XPO4: variants seen among roughly 807,000 people sequenced by gnomAD.
XPO4 encodes the protein exportin 4, also known as exportin-4.
Under a neutral mutation model 143.0 loss-of-function variants are expected in XPO4, and 39 were observed. That is an observed-to-expected ratio of 0.27 (90% CI 0.21 to 0.36). XPO4 has a LOEUF of 0.36. XPO4 is among the 10% of genes least tolerant of loss of function. XPO4 has a pLI of 1.00. For missense variants in XPO4, 907 were observed against 1,348.0 expected (o/e 0.67, Z 5.12); for synonymous variants, 439 against 474.0 (o/e 0.93, Z 0.96).
Position 20,783,327 on chromosome 13 carries a change from AAAC to A in XPO4, c.*392_*394del. 1 of 189,454 alleles carries A rather than the reference AAAC, an allele frequency of 5.3e-6. No individual in the cohort carries two copies. Among genetic ancestry groups the A allele is most frequent in the Non-Finnish European group, 1.1e-5 (1 of 91,072 alleles). 11.7% of individuals were successfully genotyped at this position (189,454 alleles called of 1,614,324 possible). ...GCAGGCGATCTATGGAGATTTTGAGAAACACTGCCTAGCATATATCCATTTCAT... is the reference window on the plus strand; with the variant it reads ...GCAGGCGATCTATGGAGATTTTGAGAACTGCCTAGCATATATCCATTTCAT... On this transcript the variant is annotated 3_prime_UTR_variant, in exon 23 of 23. Coordinates refer to ENST00000255305, the MANE Select transcript of XPO4 (RefSeq NM_022459.5).
chr13:20,777,392 A>T lies in XPO4; in HGVS notation c.*6330T>A, dbSNP rs566069908. 61 of 152,256 alleles carry T rather than the reference A, an allele frequency of 4.0e-4. No individual in the cohort carries two copies. The highest frequency in any genetic ancestry group is 1.2e-3 in the African/African-American group (49 of 41,542). The allele number at this position is 152,256 out of a possible 1,614,324, so 9.4% of individuals were successfully genotyped here. A position where few individuals can be genotyped will look rare whatever the true frequency, so the allele number is the denominator to read the frequency against. On this transcript the variant is annotated 3_prime_UTR_variant, in exon 23 of 23. Transcript: ENST00000255305. ...ATTATATTTCATCCATCACTTTTAAATTTTTTCTTTGGGAGGAACACTTAT... is the reference window on the plus strand; with the variant it reads ...ATTATATTTCATCCATCACTTTTAATTTTTTTCTTTGGGAGGAACACTTAT...
In XPO4 at chr13:20,783,314, T is replaced by C. The variant is rs913431367; in HGVS notation, c.*408A>G. On this transcript the variant is annotated 3_prime_UTR_variant, in exon 23 of 23. Coordinates refer to ENST00000255305, the MANE Select transcript of XPO4 (RefSeq NM_022459.5). The stretch of plus-strand genomic sequence containing the variant: ...CTCCTCAAGTGATGCAGGCGATCTA[T>C]GGAGATTTTGAGAAACACTGCCTAG... 4 of 188,420 alleles carry C rather than the reference T, an allele frequency of 2.1e-5. 1 individual carries two copies. The highest frequency in any genetic ancestry group is 2.6e-3 in the Middle Eastern group (1 of 388). The allele number at this position is 188,420 out of a possible 1,614,324, so 11.7% of individuals were successfully genotyped here.
chr13:20,890,671 T>C (rs2060503297), intron 1 of XPO4, among the ~76,000 whole-genome samples: 2 of 151,642 alleles, frequency 1.3e-5, no homozygotes, highest in Non-Finnish European at 2.9e-5. Flanking sequence ...GGTTGGTGTC[T>C]GTCTGTACCC....
At chr13:20,851,440 C>T (rs1399406463) in intron 4 of XPO4, 7 of 985,044 alleles carry the variant, frequency 7.1e-6, no homozygotes, top group Non-Finnish European at 8.4e-6. Flanking sequence ...TTAGGCCAGG[C>T]ATGGTTGGCT....
chr13:20,851,776 C>T, intron 4 of XPO4: 1 of 946,916 alleles, frequency 1.1e-6, no homozygotes, highest in Non-Finnish European at 1.3e-6. Flanking sequence ...TTAAAAAAAA[C>T]TTTGGAGTCT....
chr13:20,826,024 C>A (rs2059780243), intron 7 of XPO4, among the ~76,000 whole-genome samples: 1 of 152,122 alleles, frequency 6.6e-6, no homozygotes, highest in South Asian at 2.1e-4. Context: ...CTAAAATTAA[C>A]AATTGGGATT....
At chr13:20,870,300 G>A (rs2060283550) in intron 1 of XPO4, among the ~76,000 whole-genome samples, 1 of 151,378 alleles carries the variant, frequency 6.6e-6, no homozygotes, top group African/African-American at 2.4e-5. Flanking sequence ...GCATGGTGGT[G>A]CACACCTGTA....
intron 1 of XPO4, among the ~76,000 whole-genome samples, chr13:20,876,181 G>C (rs1311033976): frequency 6.9e-6 from 1 of 145,530 alleles, no homozygotes; most frequent in Admixed American, 7.0e-5. Context: ...AGAATCACTT[G>C]AATCCGGAAG....
chr13:20,857,940 T>TA (rs1167804242), intron 3 of XPO4: 5 of 985,176 alleles, frequency 5.1e-6, no homozygotes, highest in Non-Finnish European at 6.0e-6. Flanking sequence ...TCTGTGCATG[T>TA]AATGGGAAGT....
rs1433150138 is a variant in XPO4 at position 20,780,799 on chromosome 13, A to G, written c.*2923T>C. ...CCCAAATAATGGTGCTGGAAAGGACACTGTCAAATACTGTCAGGTAGTTTT... is the reference window on the plus strand; with the variant it reads ...CCCAAATAATGGTGCTGGAAAGGACGCTGTCAAATACTGTCAGGTAGTTTT... On this transcript the variant is annotated 3_prime_UTR_variant, in exon 23 of 23. Coordinates refer to ENST00000255305, the MANE Select transcript of XPO4 (RefSeq NM_022459.5). The G allele has an allele frequency of 1.3e-5, 2 of 152,200 alleles. No individual in the cohort carries two copies. The highest frequency in any genetic ancestry group is 2.9e-5 in the Non-Finnish European group (2 of 68,028). The allele number at this position is 152,200 out of a possible 1,614,324, so 9.4% of individuals were successfully genotyped here.
intron 9 of XPO4, among the ~76,000 whole-genome samples, chr13:20,817,025 G>GT (rs1388885427): frequency 6.6e-6 from 1 of 152,192 alleles, no homozygotes; most frequent in African/African-American, 2.4e-5. Context: ...GCTCTCTCCA[G>GT]TATCATCAGT....
At chr13:20,807,348 C>T (rs1595076579) in intron 13 of XPO4, 109 bp downstream of exon 13, 1 of 1,117,782 alleles carries the variant, frequency 8.9e-7, no homozygotes, top group South Asian at 1.6e-5. Context: ...TCATTTTTTT[C>T]ATGTATCAGA....
rs2059101460 is a variant in XPO4 at position 20,777,553 on chromosome 13, T to TA, written c.*6168dup. The TA allele has an allele frequency of 6.6e-6, 1 of 152,178 alleles. No homozygotes were observed. The highest frequency in any genetic ancestry group is 1.5e-5 in the Non-Finnish European group (1 of 68,038). 9.4% of individuals were successfully genotyped at this position (152,178 alleles called of 1,614,324 possible). ...GCTTTACCAGGTCAGTCCTTAGAAA[T>TA]AACCATAACATCCAGGGCAGTGCAG... On this transcript the variant is annotated 3_prime_UTR_variant, in exon 23 of 23. Coordinates refer to ENST00000255305, the MANE Select transcript of XPO4 (RefSeq NM_022459.5).
intron 4 of XPO4, 32 bp from the exon 5 acceptor site, chr13:20,843,918 G>T (rs755414848): frequency 1.1e-5 from 16 of 1,506,754 alleles, no homozygotes; most frequent in Middle Eastern, 1.7e-4. Flanking sequence ...TAATTGTGAG[G>T]CATTACTGTT....
intron 18 of XPO4, among the ~76,000 whole-genome samples, chr13:20,794,292 T>A (rs2059326518): frequency 6.6e-6 from 1 of 152,176 alleles, no homozygotes; most frequent in Non-Finnish European, 1.5e-5. Context: ...CTAGAGTTAG[T>A]AGGTCTGCGA....
chr13:20,843,174 T>C, intron 5 of XPO4, 126 bp from the exon 6 acceptor site: 2 of 977,974 alleles, frequency 2.0e-6, no homozygotes, highest in Non-Finnish European at 2.9e-6. Flanking sequence ...CTTAAGAACG[T>C]GTTCCATTTT....
intron 1 of XPO4, among the ~76,000 whole-genome samples, chr13:20,890,022 A>C (rs1435175954): frequency 6.6e-6 from 1 of 152,256 alleles, no homozygotes; most frequent in Non-Finnish European, 1.5e-5. Flanking sequence ...AGAGCAAGAA[A>C]AAGAACCAGA....
intron 3 of XPO4, chr13:20,859,787 A>G: frequency 1.2e-6 from 1 of 816,222 alleles, no homozygotes; most frequent in Non-Finnish European, 1.5e-6. Context: ...AAAAAAATTA[A>G]AAAAAAAAAA....
chr13:20,891,592 GTGGCTCACGTCTGTAA>G (rs1416230970), intron 1 of XPO4, among the ~76,000 whole-genome samples: 17 of 152,202 alleles, frequency 1.1e-4, no homozygotes, highest in Non-Finnish European at 2.2e-4. Flanking sequence ...GCCAGCCGTG[GTGGCTCACGTCTGTAA>G]TCCTAGCACT....
Sources: gnomAD v4.1 joint callset for allele counts (sites outside exome capture counted in the v4.1 genomes callset) on GRCh38, gnomAD v4.1.1 for gene constraint, MANE v1.5 for transcripts, NCBI Gene and HGNC (gene_info 2026-07-23, HGNC 2026-07-21) for gene names.